Variants in UNC80 observed in about 807,000 individuals in gnomAD.
UNC80 encodes protein unc-80 homolog.
In UNC80, 164 loss-of-function variants were observed where a neutral mutation model predicts 384.6. The observed-to-expected ratio is 0.43, with a 90% CI of 0.38 to 0.49. The LOEUF is 0.49. Ranked by LOEUF, UNC80 falls within the 20% of genes least tolerant of loss-of-function variation. UNC80 has a pLI of 0.00. For synonymous variants in UNC80, 1,486 were observed against 1,527.8 expected (o/e 0.97, Z 0.64); for missense variants, 3,330 against 4,143.0 (o/e 0.80, Z 5.39).
chr2:209,889,888 G>A (rs2086169362), intron 26 of UNC80, among the ~76,000 whole-genome samples: 1 of 151,908 alleles, frequency 6.6e-6, no homozygotes, highest in Admixed American at 6.6e-5. Flanking sequence ...TTTTTGTATT[G>A]TTAGTAGAGA....
At chr2:209,812,284 C>T (rs565419750) in intron 7 of UNC80, among the ~76,000 whole-genome samples, 18 of 150,986 alleles carry the variant, frequency 1.2e-4, no homozygotes, top group Non-Finnish European at 2.2e-4. Flanking sequence ...ATGGTGTCGA[C>T]CTCCTGACCC....
At chr2:209,809,755 C>T (rs557072187) in intron 7 of UNC80, among the ~76,000 whole-genome samples, 5 of 152,298 alleles carry the variant, frequency 3.3e-5, no homozygotes, top group African/African-American at 7.2e-5. Flanking sequence ...AACCATTTTC[C>T]GGTTCTGTTT....
chr2:209,904,299 G>A (rs1260443777), intron 28 of UNC80, among the ~76,000 whole-genome samples: 2 of 152,162 alleles, frequency 1.3e-5, no homozygotes, highest in Admixed American at 1.3e-4. Flanking sequence ...AGAAGAAGTG[G>A]AAATGTTTTC....
At chr2:209,965,787 C>A (rs966929885) in intron 51 of UNC80, among the ~76,000 whole-genome samples, 2 of 151,830 alleles carry the variant, frequency 1.3e-5, no homozygotes, top group African/African-American at 4.8e-5. Flanking sequence ...TCCTTTTAAG[C>A]TGTATTAGAA....
rs2076595325 is a variant in UNC80, at chr2:209,771,939, A to G, written c.-134A>G. 1 of 662,472 alleles carries G rather than the reference A, an allele frequency of 1.5e-6. No individual in the cohort carries two copies. Among genetic ancestry groups the G allele is most frequent in the African/African-American group, 1.9e-5 (1 of 53,610 alleles). The allele number at this position is 662,472 out of a possible 1,614,324, so 41.0% of individuals were successfully genotyped here. A position where few individuals can be genotyped will look rare whatever the true frequency, so the allele number is the denominator to read the frequency against. The stretch of plus-strand genomic sequence containing the variant: ...TGGGGGGAGGGGAGAGGCACGGGGG[A>G]TCAGGGCGGAGAGAGCCGGCTCTGC... On this transcript the variant is annotated 5_prime_UTR_variant, in exon 1 of 65. Transcript: ENST00000673920.
intron 30 of UNC80, among the ~76,000 whole-genome samples, chr2:209,912,965 G>A (rs1275952955): frequency 6.6e-6 from 1 of 152,186 alleles, no homozygotes; most frequent in African/African-American, 2.4e-5. Flanking sequence ...GACACTTACG[G>A]GTTTTGGAAT....
intron 29 of UNC80, among the ~76,000 whole-genome samples, chr2:209,908,984 G>C (rs1315315912): frequency 6.6e-6 from 1 of 152,010 alleles, no homozygotes; most frequent in African/African-American, 2.4e-5. Context: ...CCTTATTACA[G>C]TGTTACAATT....
At position 209,826,065 on chromosome 2, in the gene UNC80, A is replaced by T. The variant is rs1195495616; in HGVS notation, c.2478+12A>T. 1.3e-6 allele frequency: 2 copies of T among 1,544,704 alleles called. No homozygotes were observed. The highest frequency in any genetic ancestry group is 2.8e-5 in the African/African-American group (2 of 72,720). ...TATTCCGAGAGAATGTAAGAGAATT[A>T]AAGTAGATTCCATTTCCTCTCCCTC... On this transcript the variant is annotated intron_variant, in intron 14 of 64. Transcript: ENST00000673920.
intron 28 of UNC80, among the ~76,000 whole-genome samples, chr2:209,900,802 A>G (rs2087310192): frequency 1.3e-5 from 2 of 152,234 alleles, no homozygotes; most frequent in Admixed American, 1.3e-4. Context: ...ACAAACAATA[A>G]GAAAGTGAAA....
chr2:209,860,831 A>G (rs536511941), intron 22 of UNC80, among the ~76,000 whole-genome samples: 25 of 152,290 alleles, frequency 1.6e-4, no homozygotes, highest in African/African-American at 5.8e-4. Flanking sequence ...GAGTTCATTC[A>G]TGATTTGGCT....
chr2:209,884,779 C>T (rs917940212), intron 25 of UNC80, among the ~76,000 whole-genome samples: 1 of 152,116 alleles, frequency 6.6e-6, no homozygotes, highest in African/African-American at 2.4e-5. Flanking sequence ...CTATTATCCT[C>T]AGCAAACTAA....
chr2:209,917,529 T>G (rs1302286158), intron 31 of UNC80, among the ~76,000 whole-genome samples: 2 of 152,210 alleles, frequency 1.3e-5, no homozygotes, highest in Admixed American at 1.3e-4. Context: ...CTTTTCACTG[T>G]GAGTCAAAGG....
At chr2:209,885,606 C>A (rs544795424) in intron 25 of UNC80, among the ~76,000 whole-genome samples, 3 of 152,106 alleles carry the variant, frequency 2.0e-5, no homozygotes, top group African/African-American at 7.2e-5. Flanking sequence ...GAAGCACTTA[C>A]ATTTATAGAA....
intron 25 of UNC80, among the ~76,000 whole-genome samples, chr2:209,881,597 A>G (rs924803962): frequency 1.3e-5 from 2 of 152,218 alleles, no homozygotes; most frequent in Non-Finnish European, 2.9e-5. Flanking sequence ...TTATGGATAG[A>G]CAGAAATAAG....
chr2:209,979,363 C>G (rs997538259), intron 59 of UNC80, among the ~76,000 whole-genome samples: 10 of 151,730 alleles, frequency 6.6e-5, no homozygotes, highest in African/African-American at 7.2e-5. Flanking sequence ...AGCACTTATT[C>G]TCCTTTTTCC....
At chr2:209,945,278 A>T (rs1483642279) in intron 46 of UNC80, 89 bp downstream of exon 46, 1 of 1,315,104 alleles carries the variant, frequency 7.6e-7, no homozygotes. Flanking sequence ...ACGTATATTT[A>T]TATGTGTGTG....
intron 25 of UNC80, among the ~76,000 whole-genome samples, chr2:209,884,566 C>A (rs2085600890): frequency 6.6e-6 from 1 of 152,076 alleles, no homozygotes; most frequent in African/African-American, 2.4e-5. Context: ...GGGTTAAAGA[C>A]AAATGATTTT....
intron 44 of UNC80, 60 bp downstream of exon 44, chr2:209,941,549 G>A (rs762866283): frequency 1.1e-5 from 15 of 1,422,972 alleles, no homozygotes; most frequent in African/African-American, 2.9e-5. Flanking sequence ...ATATCTAGCC[G>A]TTCAACTAGA....
At chr2:209,929,217 T>G (rs1488505458) in intron 36 of UNC80, among the ~76,000 whole-genome samples, 2 of 152,232 alleles carry the variant, frequency 1.3e-5, no homozygotes, top group Non-Finnish European at 2.9e-5. Context: ...TAAAGACCAT[T>G]CAGTGCTTAC....
Sources: gnomAD v4.1 joint callset for allele counts (sites outside exome capture counted in the v4.1 genomes callset) on GRCh38, gnomAD v4.1.1 for gene constraint, MANE v1.5 for transcripts, NCBI Gene and HGNC (gene_info 2026-07-23, HGNC 2026-07-21) for gene names.